MIGA1: variants seen among roughly 807,000 people sequenced by gnomAD.
MIGA1 encodes the protein mitoguardin 1, also known as family with sequence similarity 73, member A.
In MIGA1, 58 loss-of-function variants were observed where a neutral mutation model predicts 82.0. The ratio of observed to expected loss-of-function variants is 0.71; its 90% CI spans 0.57 to 0.88. MIGA1 has a LOEUF of 0.88. Ranked by LOEUF, MIGA1 falls within the 40% of genes least tolerant of loss-of-function variation. The pLI, the probability that MIGA1 is intolerant of heterozygous loss-of-function variation, is 0.00. For synonymous variants in MIGA1, 249 were observed against 253.6 expected, an observed-to-expected ratio of 0.98 and a Z score of 0.17; for missense variants, 751 against 749.1, an observed-to-expected ratio of 1.00 and a Z score of -0.03.
rs1412329997 is a variant in MIGA1 at position 77,877,722 on chromosome 1, T to C, written c.*2658T>C. On this transcript the variant is annotated 3_prime_UTR_variant, in exon 16 of 16. Transcript: ENST00000370791. Reference sequence around the variant, plus strand: ...ATTATTTGAAATCAATTTTGAAGAATTGCACTATTTGATAATGCTGCTACT... The same window carrying C: ...ATTATTTGAAATCAATTTTGAAGAACTGCACTATTTGATAATGCTGCTACT... 6.5e-6 allele frequency: 1 copy of C among 152,698 alleles called. No homozygotes were observed. The highest frequency in any genetic ancestry group is 1.5e-5 in the Non-Finnish European group (1 of 68,052). The allele number at this position is 152,698 out of a possible 1,614,324, so 9.5% of individuals were successfully genotyped here.
intron 2 of MIGA1, among the ~76,000 whole-genome samples, chr1:77,785,594 T>C (rs369481844): frequency 6.6e-6 from 1 of 152,140 alleles, no homozygotes; most frequent in South Asian, 2.1e-4. Flanking sequence ...CTGCCTGCCT[T>C]GGCCTCCCAA....
At chr1:77,827,816 G>A (rs532118052) in intron 7 of MIGA1, among the ~76,000 whole-genome samples, 1 of 152,312 alleles carries the variant, frequency 6.6e-6, no homozygotes, top group East Asian at 1.9e-4. Flanking sequence ...TTGAAGAGGT[G>A]AAGGGAGCAA....
At chr1:77,833,194 A>C (rs773457177) in intron 7 of MIGA1, among the ~76,000 whole-genome samples, 5 of 152,220 alleles carry the variant, frequency 3.3e-5, no homozygotes, top group Non-Finnish European at 7.3e-5. Flanking sequence ...TTGTGGTTGG[A>C]GGATAAACTC....
chr1:77,836,242 G>C (rs1385157516), intron 7 of MIGA1, among the ~76,000 whole-genome samples: 4 of 152,186 alleles, frequency 2.6e-5, no homozygotes, highest in African/African-American at 9.6e-5. Flanking sequence ...ATTACAAATG[G>C]GAATATTGAG....
At position 77,878,977 on chromosome 1, in the gene MIGA1, T is replaced by C. The variant is rs1006246545; in HGVS notation, c.*3913T>C. The C allele has an allele frequency of 3.4e-6, 1 of 295,254 alleles. No homozygotes were observed. The highest frequency in any genetic ancestry group is 2.1e-5 in the African/African-American group (1 of 46,672). The allele number at this position is 295,254 out of a possible 1,614,324, so 18.3% of individuals were successfully genotyped here. A position where few individuals can be genotyped will look rare whatever the true frequency, so the allele number is the denominator to read the frequency against. On this transcript the variant is annotated 3_prime_UTR_variant, in exon 16 of 16. Transcript: ENST00000370791. ...TGCCTTAAAATGTAACATTTTCTAC[T>C]TAAATTTAATTTCCAAGAGAGTGAT...
At chr1:77,856,501 T>C (rs1685259193) in intron 8 of MIGA1, among the ~76,000 whole-genome samples, 1 of 152,204 alleles carries the variant, frequency 6.6e-6, no homozygotes, top group Non-Finnish European at 1.5e-5. Flanking sequence ...ATCCATCTGG[T>C]CCTGCACTTT....
At chr1:77,833,239 G>T (rs1684309746) in intron 7 of MIGA1, among the ~76,000 whole-genome samples, 1 of 152,148 alleles carries the variant, frequency 6.6e-6, no homozygotes, top group Non-Finnish European at 1.5e-5. Flanking sequence ...GATATGAATT[G>T]CCAGCTTAAG....
rs989499404 is a variant in MIGA1 at position 77,801,345 on chromosome 1, G to A, written c.210G>A (p.Pro70=). The stretch of plus-strand genomic sequence containing the variant: ...ATCTTTTCCAGATCAAATTTTCTCC[G>A]GTGGCTAAAAAGTTGTTTGTGGTAA... Residue 70 remains proline (P), a synonymous_variant, in exon 3 of 16, where the codon CCG becomes CCA. Coordinates refer to ENST00000370791, the MANE Select transcript of MIGA1 (RefSeq NM_198549.4). 4.6e-5 allele frequency: 70 copies of A among 1,536,260 alleles called. No homozygotes were observed. Among genetic ancestry groups the A allele is most frequent in the Non-Finnish European group, 5.6e-5 (64 of 1,150,844 alleles).
At position 77,831,262 on chromosome 1, in the gene MIGA1, G is replaced by C. The variant is rs538042769; in HGVS notation, c.896-12045G>C. On this transcript the variant is annotated intron_variant, in intron 7 of 15. Transcript: ENST00000370791. Reference sequence around the variant, plus strand: ...ATTTATTTGGGAACTCAAGTTTCACGTAAGAAGATATGTACAGTGTATTTC... The same window carrying C: ...ATTTATTTGGGAACTCAAGTTTCACCTAAGAAGATATGTACAGTGTATTTC... 1.4e-4 allele frequency among the ~76,000 whole-genome samples: 21 copies of C among 152,240 alleles called. No homozygotes were observed. The East Asian group carries it at 4.0e-3, about 29-fold the overall frequency.
intron 8 of MIGA1, chr1:77,848,214 A>G: frequency 7.0e-7 from 1 of 1,438,674 alleles, no homozygotes; most frequent in Admixed American, 1.7e-5. Context: ...AGGCATGAAC[A>G]GGAAGATAAA....
rs2101934587 is a variant in MIGA1 at position 77,858,951 on chromosome 1, G to A, written c.1010G>A (p.Arg337Lys). 6.2e-7 allele frequency: 1 copy of A among 1,610,348 alleles called. No individual in the cohort carries two copies. Among genetic ancestry groups the A allele is most frequent in the East Asian group, 2.2e-5 (1 of 44,868 alleles). ...CCGTGCTCTTAGCTTGCAGAACACA[G>A]AGAAGTACGGCATACCTACAGCCTG... Residue 337 changes from arginine (R) to lysine (K), a missense_variant, in exon 9 of 16, where the codon AGA (arginine) becomes AAA (lysine). Transcript: ENST00000370791.
chr1:77,850,093 A>T (rs994062191), intron 8 of MIGA1, among the ~76,000 whole-genome samples: 1 of 152,126 alleles, frequency 6.6e-6, no homozygotes, highest in Non-Finnish European at 1.5e-5. Context: ...TGTTCCCAAG[A>T]TAACTCACTC....
intron 4 of MIGA1, among the ~76,000 whole-genome samples, chr1:77,805,363 T>A (rs1683053395): frequency 6.6e-6 from 1 of 151,980 alleles, no homozygotes; most frequent in African/African-American, 2.4e-5. Flanking sequence ...GTACTAAATT[T>A]TTAAAGGCTC....
chr1:77,878,345 G>T lies in MIGA1; in HGVS notation c.*3281G>T, dbSNP rs1646909692. On this transcript the variant is annotated 3_prime_UTR_variant, in exon 16 of 16. Transcript: ENST00000370791. ...GGAGGCGGAGGTTGCAGTTAGCCGA[G>T]ATCGTGCCATTGCACTCCAGCCTGG... is the stretch of plus-strand genomic sequence containing the variant. The T allele has an allele frequency of 8.0e-6, 1 of 124,448 alleles. No individual in the cohort carries two copies. The highest frequency in any genetic ancestry group is 3.1e-5 in the African/African-American group (1 of 32,538). 7.7% of individuals were successfully genotyped at this position (124,448 alleles called of 1,614,324 possible).
chr1:77,869,548 T>C (rs560009158), intron 14 of MIGA1, among the ~76,000 whole-genome samples: 7 of 126,114 alleles, frequency 5.6e-5, no homozygotes, highest in African/African-American at 1.5e-4. Flanking sequence ...ACCTCCCGGA[T>C]GGGGCGGCTG....
chr1:77,785,609 C>T (rs1343427869), intron 2 of MIGA1, among the ~76,000 whole-genome samples: 2 of 152,154 alleles, frequency 1.3e-5, no homozygotes, highest in Non-Finnish European at 1.5e-5. Flanking sequence ...TCCCAAAGTA[C>T]TGGGATTACA....
chr1:77,844,101 A>T (rs1570986653), intron 8 of MIGA1, among the ~76,000 whole-genome samples: 1 of 13,544 alleles, frequency 7.4e-5, no homozygotes, highest in African/African-American at 2.2e-4. Context: ...ACCCTGTCTT[A>T]AAAAAAAAAA....
intron 1 of MIGA1, chr1:77,782,826 C>T (rs1460338639): frequency 4.2e-5 from 41 of 981,638 alleles, no homozygotes; most frequent in Non-Finnish European, 5.0e-5. Context: ...CATTCAGCAA[C>T]CTGCCTGCCA....
chr1:77,787,899 T>G (rs1682241437), intron 2 of MIGA1, among the ~76,000 whole-genome samples: 1 of 150,948 alleles, frequency 6.6e-6, no homozygotes, highest in African/African-American at 2.4e-5. Context: ...CACTGCAACC[T>G]CTGCCTCCTG....
Sources: gnomAD v4.1 joint callset for allele counts (sites outside exome capture counted in the v4.1 genomes callset) on GRCh38, gnomAD v4.1.1 for gene constraint, MANE v1.5 for transcripts, NCBI Gene and HGNC (gene_info 2026-07-23, HGNC 2026-07-21) for gene names.